The following RABGAP1L variants were observed in gnomAD, a reference collection of about 807,000 sequenced individuals.
RABGAP1L encodes RAB GTPase activating protein 1 like, also known as rab GTPase-activating protein 1-like.
A neutral mutation model predicts 137.7 loss-of-function variants in RABGAP1L; 63 were observed. The observed-to-expected ratio is 0.46, with a 90% CI of 0.37 to 0.56. RABGAP1L has a LOEUF of 0.56. RABGAP1L is among the 20% of genes least tolerant of loss of function. The pLI is 0.00. For missense variants in RABGAP1L, 1,095 were observed against 1,244.0 expected, an observed-to-expected ratio of 0.88 and a Z score of 1.80; for synonymous variants, 431 against 433.7, an observed-to-expected ratio of 0.99 and a Z score of 0.08.
At chr1:174,919,171 G>A (rs372993280) in intron 19 of RABGAP1L, among the ~76,000 whole-genome samples, 10 of 151,982 alleles carry the variant, frequency 6.6e-5, no homozygotes, top group African/African-American at 1.7e-4. Flanking sequence ...GACATGCGCC[G>A]CCATGTCCAG....
chr1:174,968,501 T>TG (rs1284123723), intron 20 of RABGAP1L, among the ~76,000 whole-genome samples: 1 of 5,454 alleles, frequency 1.8e-4, no homozygotes, highest in East Asian at 0.25. Flanking sequence ...AGTGACTTGG[T>TG]TTTTTTTTTT....
At chr1:174,550,994 A>ACATATATATATATATC (rs1666465343) in intron 13 of RABGAP1L, among the ~76,000 whole-genome samples, 1 of 64,384 alleles carries the variant, frequency 1.6e-5, no homozygotes, top group Non-Finnish European at 2.6e-5. Context: ...ATATATATAT[A>ACATATATATATATATC]TACACATATA....
At chr1:174,799,763 C>T in intron 18 of RABGAP1L, 10 of 838,022 alleles carry the variant, frequency 1.2e-5, no homozygotes, top group Non-Finnish European at 1.4e-5. Context: ...CGAGAGGCAG[C>T]AGCAGCAGCA....
At chr1:174,775,949 G>A (rs533714764) in intron 18 of RABGAP1L, among the ~76,000 whole-genome samples, 5 of 152,206 alleles carry the variant, frequency 3.3e-5, no homozygotes, top group East Asian at 1.9e-4. Context: ...CAGTCAGTCC[G>A]TAGGAATTTC....
At chr1:174,873,474 A>G (rs142666187) in intron 19 of RABGAP1L, among the ~76,000 whole-genome samples, 3,424 of 151,684 alleles carry the variant, frequency 0.023, 67 homozygotes, top group Non-Finnish European at 0.035. Flanking sequence ...AGATATAGGA[A>G]AAAGGTCTTG....
chr1:174,423,502 A>G (rs760439899), intron 13 of RABGAP1L, among the ~76,000 whole-genome samples: 11 of 152,150 alleles, frequency 7.2e-5, no homozygotes, highest in Non-Finnish European at 1.3e-4. Flanking sequence ...GAACTGCATA[A>G]TATTTCCAAA....
intron 18 of RABGAP1L, among the ~76,000 whole-genome samples, chr1:174,808,613 A>C (rs935046821): frequency 1.3e-5 from 2 of 151,522 alleles, no homozygotes; most frequent in African/African-American, 4.8e-5. Context: ...TCATTCTCAA[A>C]TACTTGTTTT....
At chr1:174,800,525 C>T (rs1193010978) in intron 18 of RABGAP1L, 4 of 1,548,380 alleles carry the variant, frequency 2.6e-6, no homozygotes, top group Non-Finnish European at 3.5e-6. Context: ...CATTGAACTT[C>T]ATTTGTAGGG....
At chr1:174,209,449 G>A (rs1668719974) in intron 1 of RABGAP1L, among the ~76,000 whole-genome samples, 1 of 152,202 alleles carries the variant, frequency 6.6e-6, no homozygotes, top group East Asian at 1.9e-4. Flanking sequence ...AACATCGGCA[G>A]TAGCTTGGAA....
At chr1:174,161,254 A>ATTT (rs1553245485) in intron 1 of RABGAP1L, among the ~76,000 whole-genome samples, 1 of 138,328 alleles carries the variant, frequency 7.2e-6, no homozygotes, top group Admixed American at 7.2e-5. Flanking sequence ...TATTATTATT[A>ATTT]TTTTTGAGAC....
intron 13 of RABGAP1L, among the ~76,000 whole-genome samples, chr1:174,554,258 T>G (rs1325710904): frequency 6.6e-6 from 1 of 152,202 alleles, no homozygotes; most frequent in African/African-American, 2.4e-5. Flanking sequence ...ATCATTTGCC[T>G]ATTTTGAGAA....
At chr1:174,837,270 ATTT>A (rs1692860790) in intron 19 of RABGAP1L, among the ~76,000 whole-genome samples, 2 of 152,124 alleles carry the variant, frequency 1.3e-5, no homozygotes. Flanking sequence ...TAAAGAATTT[ATTT>A]TTAACCACAT....
At chr1:174,494,724 C>T (rs1351110000) in intron 13 of RABGAP1L, among the ~76,000 whole-genome samples, 2 of 152,132 alleles carry the variant, frequency 1.3e-5, no homozygotes, top group Non-Finnish European at 2.9e-5. Context: ...TACATATTTG[C>T]TCCGACTCTA....
At chr1:174,550,791 A>C (rs1666372187) in intron 13 of RABGAP1L, among the ~76,000 whole-genome samples, 1 of 145,522 alleles carries the variant, frequency 6.9e-6, no homozygotes, top group African/African-American at 2.6e-5. Flanking sequence ...AGGCCAAGGC[A>C]GGTGGATCAC....
intron 13 of RABGAP1L, among the ~76,000 whole-genome samples, chr1:174,431,442 G>C (rs1454164388): frequency 6.6e-6 from 1 of 152,152 alleles, no homozygotes; most frequent in Admixed American, 6.5e-5. Flanking sequence ...TTATTTTTAA[G>C]TGTATTTTCA....
intron 19 of RABGAP1L, among the ~76,000 whole-genome samples, chr1:174,886,444 C>G (rs919982815): frequency 2.6e-5 from 4 of 152,204 alleles, no homozygotes; most frequent in East Asian, 1.9e-4. Flanking sequence ...AACAGTGTAG[C>G]CCTGTAATTG....
intron 18 of RABGAP1L, among the ~76,000 whole-genome samples, chr1:174,779,680 G>T (rs1004057628): frequency 6.6e-6 from 1 of 152,106 alleles, no homozygotes; most frequent in Non-Finnish European, 1.5e-5. Context: ...GTATTAGAAA[G>T]AAATCATACT....
At chr1:174,907,712 A>G (rs1659339361) in intron 19 of RABGAP1L, among the ~76,000 whole-genome samples, 1 of 152,176 alleles carries the variant, frequency 6.6e-6, no homozygotes, top group African/African-American at 2.4e-5. Context: ...TAGATTCACT[A>G]AAAATAAAAG....
At chr1:174,502,449 T>A (rs1437317572) in intron 13 of RABGAP1L, among the ~76,000 whole-genome samples, 26 of 151,296 alleles carry the variant, frequency 1.7e-4, no homozygotes, top group Admixed American at 1.7e-3. Flanking sequence ...TATAAAATAG[T>A]CTAGAATTAC....
Sources: gnomAD v4.1 joint callset for allele counts (sites outside exome capture counted in the v4.1 genomes callset) on GRCh38, gnomAD v4.1.1 for gene constraint, MANE v1.5 for transcripts, NCBI Gene and HGNC (gene_info 2026-07-23, HGNC 2026-07-21) for gene names.